The following PLCL2 variants were observed in gnomAD, a reference collection of about 807,000 sequenced individuals.
The protein encoded by PLCL2 is phospholipase C like 2, also known as inactive phospholipase C-like protein 2.
Under a neutral mutation model 79.6 loss-of-function variants are expected in PLCL2, and 4 were observed. That is an observed-to-expected ratio of 0.05 (90% CI 0.02 to 0.11). The LOEUF (loss-of-function observed/expected upper bound fraction) is 0.11. Among genes scored for constraint, PLCL2 ranks in the 10% least tolerant of loss-of-function variants. The pLI, the probability that PLCL2 is intolerant of heterozygous loss-of-function variation, is 1.00. For synonymous variants in PLCL2, 484 were observed against 457.7 expected (o/e 1.06, Z -0.73); for missense variants, 895 against 1,291.0 (o/e 0.69, Z 4.70).
intron 1 of PLCL2, among the ~76,000 whole-genome samples, chr3:16,949,754 C>T (rs2063634177): frequency 6.6e-6 from 1 of 152,108 alleles, no homozygotes; most frequent in Non-Finnish European, 1.5e-5. Context: ...GTAATGTAGT[C>T]ATTTCTGCTT....
intron 1 of PLCL2, among the ~76,000 whole-genome samples, chr3:16,939,970 G>T (rs1435347658): frequency 6.6e-6 from 1 of 152,142 alleles, no homozygotes; most frequent in Non-Finnish European, 1.5e-5. Flanking sequence ...TAAAGAAGAA[G>T]AGTCATACTA....
intron 1 of PLCL2, among the ~76,000 whole-genome samples, chr3:16,904,306 C>CAAAAAAAAAAAAAA (rs547582289): frequency 6.2e-4 from 72 of 116,104 alleles, no homozygotes; most frequent in Non-Finnish European, 1.2e-3. Context: ...GAGATCTTGA[C>CAAAAAAAAAAAAAA]AAAAAAAAAA....
intron 2 of PLCL2, among the ~76,000 whole-genome samples, chr3:17,012,750 A>C (rs1470383594): frequency 6.6e-6 from 1 of 152,220 alleles, no homozygotes; most frequent in Non-Finnish European, 1.5e-5. Flanking sequence ...GGCTAAAAGC[A>C]GTCAGTTAGG....
chr3:17,026,790 C>T (rs1285916837), intron 3 of PLCL2, among the ~76,000 whole-genome samples: 3 of 152,006 alleles, frequency 2.0e-5, no homozygotes, highest in African/African-American at 7.2e-5. Flanking sequence ...TCACTTGAAC[C>T]CAGGAGGCAG....
At chr3:17,014,281 T>G (rs1404775049) in intron 2 of PLCL2, among the ~76,000 whole-genome samples, 1 of 152,234 alleles carries the variant, frequency 6.6e-6, no homozygotes, top group Non-Finnish European at 1.5e-5. Flanking sequence ...TGCAAATATT[T>G]CTTTCCCTTT....
chr3:17,048,965 G>A (rs1471458578), intron 4 of PLCL2, among the ~76,000 whole-genome samples: 1 of 152,084 alleles, frequency 6.6e-6, no homozygotes, highest in African/African-American at 2.4e-5. Flanking sequence ...ATAGATTGAG[G>A]TCTGCAGTTG....
At chr3:16,914,397 G>C (rs1575526231) in intron 1 of PLCL2, among the ~76,000 whole-genome samples, 1 of 152,110 alleles carries the variant, frequency 6.6e-6, no homozygotes, top group Non-Finnish European at 1.5e-5. Flanking sequence ...CTAAAAGAAA[G>C]AAAGTTTTCA....
intron 4 of PLCL2, among the ~76,000 whole-genome samples, chr3:17,049,239 A>T (rs2064814232): frequency 6.6e-6 from 1 of 152,230 alleles, no homozygotes; most frequent in African/African-American, 2.4e-5. Context: ...ATCCAAAGCT[A>T]GAGAATTTAA....
At chr3:16,985,513 T>C (rs1177766880) in intron 1 of PLCL2, among the ~76,000 whole-genome samples, 1 of 152,186 alleles carries the variant, frequency 6.6e-6, no homozygotes, top group Non-Finnish European at 1.5e-5. Flanking sequence ...TAGCTTATTA[T>C]TCTTATCTGG....
At chr3:17,057,435 A>G (rs145085965) in intron 4 of PLCL2, among the ~76,000 whole-genome samples, 1 of 152,168 alleles carries the variant, frequency 6.6e-6, no homozygotes, top group Non-Finnish European at 1.5e-5. Context: ...CTCCGTGTTC[A>G]TATATTACTC....
chr3:17,074,407 A>G (rs978099107), intron 5 of PLCL2, among the ~76,000 whole-genome samples: 4 of 152,218 alleles, frequency 2.6e-5, no homozygotes, highest in Admixed American at 2.0e-4. Context: ...TGATCCATTT[A>G]TAGAGCACGG....
At chr3:16,966,628 G>A (rs542644436) in intron 1 of PLCL2, among the ~76,000 whole-genome samples, 8 of 152,048 alleles carry the variant, frequency 5.3e-5, no homozygotes, top group East Asian at 1.9e-4. Flanking sequence ...GAATTCGGCC[G>A]TGAATCCTTC....
Position 17,010,168 on chromosome 3 carries a change from A to G in PLCL2, c.822A>G (p.Gln274=), listed in dbSNP as rs2064305624. The change falls in exon 2 of 6, where the codon CAA becomes CAG. Residue 274 remains glutamine, a synonymous_variant. Coordinates refer to ENST00000615277, the MANE Select transcript of PLCL2 (RefSeq NM_001144382.2). The surrounding 1 kb of genome is among the most constrained non-coding windows in gnomAD (Gnocchi z 5.8). ...ACATGAGGACTTCTTGGGTTTCACA[A>G]ATGTTTAGTGAAATTGATGTAGATA... The part of the protein sequence containing the change: ...QDNMRTSWVS[Q]MFSEIDVDNL... The G allele has an allele frequency of 6.2e-7, 1 of 1,614,008 alleles. No homozygotes were observed. Among genetic ancestry groups the G allele is most frequent in the Non-Finnish European group, 8.5e-7 (1 of 1,179,862 alleles).
rs1233473146 is a variant in PLCL2 at position 17,090,171 on chromosome 3, A to G, written c.*259A>G. On this transcript the variant is annotated 3_prime_UTR_variant, in exon 6 of 6. Transcript: ENST00000615277. ...TACAAAGACATTCTAACTCAGTTCC[A>G]GTATGAAGAAAGATTATTCACTCTA... The G allele has an allele frequency of 3.5e-6, 4 of 1,143,302 alleles. No individual in the cohort carries two copies. Among genetic ancestry groups the G allele is most frequent in the East Asian group, 4.4e-5 (1 of 22,674 alleles). The allele number at this position is 1,143,302 out of a possible 1,614,324, so 70.8% of individuals were successfully genotyped here. A position where few individuals can be genotyped will look rare whatever the true frequency, so the allele number is the denominator to read the frequency against.
intron 1 of PLCL2, among the ~76,000 whole-genome samples, chr3:16,930,734 C>A (rs1169755344): frequency 6.6e-6 from 1 of 152,130 alleles, no homozygotes; most frequent in Non-Finnish European, 1.5e-5. Flanking sequence ...TTTTCTTATG[C>A]TTTGTGGAGC....
chr3:17,019,631 C>T (rs1450727017), intron 3 of PLCL2, among the ~76,000 whole-genome samples: 1 of 151,952 alleles, frequency 6.6e-6, no homozygotes, highest in African/African-American at 2.4e-5. Context: ...TGTTCTTGTG[C>T]CCCATAAAGA....
At position 17,090,204 on chromosome 3, in the gene PLCL2, T is replaced by A; in HGVS notation, c.*292T>A. ...GAAAGATTATTCACTCTAGCTCCAC[T>A]GAGAAACATTTTCCTAAGTGAAAAC... is the stretch of plus-strand genomic sequence containing the variant. On this transcript the variant is annotated 3_prime_UTR_variant, in exon 6 of 6. Coordinates refer to ENST00000615277, the MANE Select transcript of PLCL2 (RefSeq NM_001144382.2). The A allele has an allele frequency of 9.5e-7, 1 of 1,049,794 alleles. No individual in the cohort carries two copies. 65.0% of individuals were successfully genotyped at this position (1,049,794 alleles called of 1,614,324 possible).
At chr3:16,968,020 G>T (rs903485551) in intron 1 of PLCL2, among the ~76,000 whole-genome samples, 7 of 152,078 alleles carry the variant, frequency 4.6e-5, no homozygotes, top group Admixed American at 1.3e-4. Context: ...TGAATAGGGA[G>T]TCCTTTCCCT....
chr3:16,889,005 C>G (rs1228367627), intron 1 of PLCL2, among the ~76,000 whole-genome samples: 1 of 152,220 alleles, frequency 6.6e-6, no homozygotes, highest in Non-Finnish European at 1.5e-5. Context: ...TCCCAGGTCT[C>G]TGTGATCTTT....
Sources: gnomAD v4.1 joint callset for allele counts (sites outside exome capture counted in the v4.1 genomes callset) on GRCh38, gnomAD v4.1.1 for gene constraint, Gnocchi (gnomAD v3.1) non-coding constraint, MANE v1.5 for transcripts, NCBI Gene and HGNC (gene_info 2026-07-23, HGNC 2026-07-21) for gene names.